TMPRSS15: variants seen among roughly 807,000 people sequenced by gnomAD.
The protein encoded by TMPRSS15 is transmembrane serine protease 15.
In TMPRSS15, 128 loss-of-function variants were observed where a neutral mutation model predicts 125.3. The ratio of observed to expected loss-of-function variants is 1.02; its 90% confidence interval spans 0.89 to 1.18. The LOEUF (loss-of-function observed/expected upper bound fraction) is 1.18, where lower values mean the gene tolerates loss of function less well. TMPRSS15 is among the 50% of genes most tolerant of loss of function. The pLI, the probability that TMPRSS15 is intolerant of heterozygous loss-of-function variation, is 0.00. For synonymous variants in TMPRSS15, 446 were observed against 423.2 expected, an observed-to-expected ratio of 1.05 and a Z score of -0.66; for missense variants, 1,283 against 1,212.7, an observed-to-expected ratio of 1.06 and a Z score of -0.86.
At chr21:18,341,279 C>T (rs2075442866) in intron 13 of TMPRSS15, 134 bp downstream of exon 13, 1 of 1,053,386 alleles carries the variant, frequency 9.5e-7, no homozygotes, top group African/African-American at 1.6e-5. Context: ...CTGTAATCCT[C>T]AGGCTGGTCT....
chr21:18,358,267 T>G (rs1350875521), intron 8 of TMPRSS15, among the ~76,000 whole-genome samples: 2 of 151,846 alleles, frequency 1.3e-5, no homozygotes, highest in Non-Finnish European at 2.9e-5. Context: ...AGATTTTATC[T>G]TCTGTATAAT....
intron 1 of TMPRSS15, among the ~76,000 whole-genome samples, chr21:18,484,663 T>C (rs1233044707): frequency 6.6e-6 from 1 of 151,870 alleles, no homozygotes; most frequent in African/African-American, 2.4e-5. Context: ...GTTGCCACAG[T>C]ACCATTTATT....
At position 18,448,070 on chromosome 21, in the gene TMPRSS15, TTAAAAA is replaced by T. The variant is rs920309654; in HGVS notation, c.10+37723_10+37728del. ...AGTAGTATAAAGGTTCTTCAAAAAA[TTAAAAA>T]TATAAATACCATATGATCCAGTAAT... On this transcript the variant is annotated intron_variant, in intron 1 of 7. Transcript: ENST00000422787. Among the ~76,000 whole-genome samples the T allele has an allele frequency of 1.7e-4, 26 of 152,208 alleles. No individual in the cohort carries two copies. In the East Asian group the frequency reaches 1.7e-3, roughly 10 times the overall value.
chr21:18,402,386 G>A (rs2076102921), intron 1 of TMPRSS15, among the ~76,000 whole-genome samples: 1 of 151,978 alleles, frequency 6.6e-6, no homozygotes, highest in African/African-American at 2.4e-5. Flanking sequence ...AAAATTAGCT[G>A]GGCGTGATGG....
At chr21:18,482,912 T>A (rs2123293093) in intron 1 of TMPRSS15, among the ~76,000 whole-genome samples, 1 of 151,966 alleles carries the variant, frequency 6.6e-6, no homozygotes, top group East Asian at 1.9e-4. Context: ...ACTATTTCCT[T>A]ACTGAGAGTC....
At chr21:18,432,044 C>A (rs1172506912) in intron 1 of TMPRSS15, among the ~76,000 whole-genome samples, 2 of 152,102 alleles carry the variant, frequency 1.3e-5, no homozygotes, top group Non-Finnish European at 2.9e-5. Flanking sequence ...ATCTTCAGAT[C>A]CTTGCACTGA....
chr21:18,383,759 C>T lies in TMPRSS15; in HGVS notation c.364G>A (p.Val122Ile), dbSNP rs745615256. 9.9e-6 allele frequency: 16 copies of T among 1,613,334 alleles called. No individual in the cohort carries two copies. The highest frequency in any genetic ancestry group is 8.8e-5 in the South Asian group (8 of 90,998). ...LQFENGSIIV[V>I]FDLFFAQWVS... is the part of the protein sequence containing the mutation. ...CACTGGGCAAAGAAAAGGTCAAATACGACTATAATGCTGCCATTTCTGCAA... is the reference window on the plus strand; with the variant it reads ...CACTGGGCAAAGAAAAGGTCAAATATGACTATAATGCTGCCATTTCTGCAA... The change falls in exon 4 of 25, where the codon GTA becomes ATA. Residue 122 changes from valine to isoleucine, a missense_variant. Coordinates refer to ENST00000284885, the MANE Select transcript of TMPRSS15 (RefSeq NM_002772.3).
intron 16 of TMPRSS15, 29 bp downstream of exon 16, chr21:18,326,402 TG>T (rs752627358): frequency 1.9e-6 from 3 of 1,614,110 alleles, no homozygotes; most frequent in Non-Finnish European, 2.5e-6. Flanking sequence ...CCAAAAGTTA[TG>T]ATGCAATGTG....
At chr21:18,449,774 T>TC (rs2076263426) in intron 1 of TMPRSS15, among the ~76,000 whole-genome samples, 1 of 152,022 alleles carries the variant, frequency 6.6e-6, no homozygotes, top group African/African-American at 2.4e-5. Context: ...CATCCTTGAA[T>TC]CACTCTCAGA....
chr21:18,436,705 AT>A lies in TMPRSS15; in HGVS notation c.11-38377del, dbSNP rs964439248. Among the ~76,000 whole-genome samples the A allele has an allele frequency of 2.6e-3, 396 of 150,800 alleles. 2 individuals carry two copies. Among genetic ancestry groups the A allele is most frequent in the African/African-American group, 9.2e-3 (375 of 40,962 alleles). On this transcript the variant is annotated intron_variant, in intron 1 of 7. Transcript: ENST00000422787. ...CCCATTCACAATTGCTTCAAAGAGA[AT>A]AAAATACCTAGGAATCCACCTTACA...
chr21:18,346,621 T>TA (rs1483363126), intron 10 of TMPRSS15, among the ~76,000 whole-genome samples: 2 of 152,206 alleles, frequency 1.3e-5, no homozygotes, highest in African/African-American at 4.8e-5. Flanking sequence ...TGCTTCCACT[T>TA]AAAGTATGGA....
chr21:18,348,508 A>G (rs1166166668), intron 10 of TMPRSS15, among the ~76,000 whole-genome samples: 1 of 152,210 alleles, frequency 6.6e-6, no homozygotes, highest in East Asian at 1.9e-4. Flanking sequence ...AAATTAGCTG[A>G]ACCTAGTAGA....
intron 14 of TMPRSS15, among the ~76,000 whole-genome samples, chr21:18,331,666 A>G (rs1213650652): frequency 6.6e-6 from 1 of 152,162 alleles, no homozygotes; most frequent in African/African-American, 2.4e-5. Flanking sequence ...ACTTTTTAAT[A>G]CTTTCCATTG....
At chr21:18,329,449 A>G (rs1306159343) in intron 14 of TMPRSS15, among the ~76,000 whole-genome samples, 155 bp from the exon 15 acceptor site, 1 of 110,460 alleles carries the variant, frequency 9.1e-6, no homozygotes, top group Non-Finnish European at 2.0e-5. Context: ...TTTTCTTTTC[A>G]TTATTTTTTT....
Position 18,383,793 on chromosome 21 carries a change from A to G in TMPRSS15, c.345-15T>C. On this transcript the variant is annotated splice_polypyrimidine_tract_variant and intron_variant, in intron 3 of 24. Transcript: ENST00000284885. ...TGCTGCCATTTCTGCAAAGCAAAAGAGGATATAAGAGGAAAAAGTCAGCCA... is the reference window on the plus strand; with the variant it reads ...TGCTGCCATTTCTGCAAAGCAAAAGGGGATATAAGAGGAAAAAGTCAGCCA... 2 of 1,610,620 alleles carry G rather than the reference A, an allele frequency of 1.2e-6. No homozygotes were observed. The highest frequency in any genetic ancestry group is 8.5e-7 in the Non-Finnish European group (1 of 1,178,152).
chr21:18,313,162 T>A (rs1490447074), intron 17 of TMPRSS15, 85 bp from the exon 18 acceptor site: 1 of 909,136 alleles, frequency 1.1e-6, no homozygotes, highest in Non-Finnish European at 1.8e-6. Flanking sequence ...AGTACAGAGC[T>A]TCATTTAGAC....
At chr21:18,313,166 T>C in intron 17 of TMPRSS15, 89 bp from the exon 18 acceptor site, 1 of 867,478 alleles carries the variant, frequency 1.2e-6, no homozygotes, top group Non-Finnish European at 1.9e-6. Flanking sequence ...CAGAGCTTCA[T>C]TTAGACAGGA....
At chr21:18,283,791 G>GAA (rs2074731165) in intron 21 of TMPRSS15, among the ~76,000 whole-genome samples, 1 of 152,112 alleles carries the variant, frequency 6.6e-6, no homozygotes, top group South Asian at 2.1e-4. Flanking sequence ...GTATTTCAGA[G>GAA]AAAGAGCATC....
intron 1 of TMPRSS15, among the ~76,000 whole-genome samples, chr21:18,418,249 C>A (rs914834994): frequency 6.6e-6 from 1 of 152,136 alleles, no homozygotes; most frequent in Non-Finnish European, 1.5e-5. Flanking sequence ...CTAAGGGATA[C>A]CTTACTTCTG....
Sources: gnomAD v4.1 joint callset for allele counts (sites outside exome capture counted in the v4.1 genomes callset) on GRCh38, gnomAD v4.1.1 for gene constraint, MANE v1.5 for transcripts, NCBI Gene and HGNC (gene_info 2026-07-23, HGNC 2026-07-21) for gene names.